Variants in CNTN3 observed in about 807,000 individuals in gnomAD.
CNTN3 encodes the protein contactin 3.
Under a neutral mutation model 119.1 loss-of-function variants are expected in CNTN3, and 60 were observed. The ratio of observed to expected loss-of-function variants is 0.50; its 90% CI spans 0.41 to 0.62. The LOEUF is 0.62. Ranked by LOEUF, CNTN3 falls within the 20% of genes least tolerant of loss-of-function variation. The pLI, the probability that CNTN3 is intolerant of heterozygous loss-of-function variation, is 0.00. For synonymous variants in CNTN3, 450 were observed against 438.7 expected (o/e 1.03, Z -0.32); for missense variants, 1,101 against 1,242.4 (o/e 0.89, Z 1.71).
At chr3:74,276,880 C>G (rs1341916105) in intron 20 of CNTN3, among the ~76,000 whole-genome samples, 1 of 151,976 alleles carries the variant, frequency 6.6e-6, no homozygotes. Context: ...ATTGATAGAT[C>G]ATTGGCAAGA....
chr3:74,552,377 T>C (rs1429993684), intron 1 of CNTN3, among the ~76,000 whole-genome samples: 1 of 152,198 alleles, frequency 6.6e-6, no homozygotes, highest in African/African-American at 2.4e-5. Flanking sequence ...GACTGCTAAA[T>C]TGTCTTCCAA....
Position 74,299,306 on chromosome 3 carries a change from G to C in CNTN3, c.2166+562C>G, listed in dbSNP as rs541721386. 1.7e-4 allele frequency among the ~76,000 whole-genome samples: 25 copies of C among 151,232 alleles called. No individual in the cohort carries two copies. In the South Asian group the frequency reaches 5.0e-3, roughly 30 times the overall value. On this transcript the variant is annotated intron_variant, in intron 17 of 22. Transcript: ENST00000263665. ...ATCATCAGCATCTTCAAAAAATGCA[G>C]GTAATTCTAGTACTTTTTGACTTCA...
intron 5 of CNTN3, among the ~76,000 whole-genome samples, chr3:74,417,448 T>C (rs1370886908): frequency 6.6e-6 from 1 of 152,220 alleles, no homozygotes; most frequent in Non-Finnish European, 1.5e-5. Context: ...TAAAACCTTA[T>C]TATTATAAGA....
intron 18 of CNTN3, 44 bp from the exon 19 acceptor site, chr3:74,295,280 T>A: frequency 8.8e-7 from 1 of 1,134,106 alleles, no homozygotes; most frequent in Non-Finnish European, 1.3e-6. Context: ...ATTTTGGCAG[T>A]TAGTTTAAAA....
intron 5 of CNTN3, among the ~76,000 whole-genome samples, chr3:74,393,699 A>G (rs1280282923): frequency 6.6e-6 from 1 of 152,220 alleles, no homozygotes; most frequent in East Asian, 1.9e-4. Context: ...GAAATGGGAA[A>G]AGTAGGACTG....
chr3:74,576,932 G>A (rs1165742756), intron 1 of CNTN3, among the ~76,000 whole-genome samples: 5 of 152,162 alleles, frequency 3.3e-5, no homozygotes, highest in Non-Finnish European at 4.4e-5. Context: ...AATCAACAGT[G>A]TCTGTCGAAT....
At chr3:74,442,559 T>C (rs1365773784) in intron 4 of CNTN3, among the ~76,000 whole-genome samples, 1 of 152,184 alleles carries the variant, frequency 6.6e-6, no homozygotes, top group African/African-American at 2.4e-5. Flanking sequence ...TAATTTTCTC[T>C]TACATGTATT....
intron 3 of CNTN3, among the ~76,000 whole-genome samples, chr3:74,489,988 G>T (rs532893705): frequency 6.6e-6 from 1 of 152,212 alleles, no homozygotes; most frequent in East Asian, 1.9e-4. Flanking sequence ...CTTCTCTTCT[G>T]TTCCATTCCC....
intron 21 of CNTN3, 116 bp downstream of exon 21, chr3:74,267,150 C>T: frequency 1.7e-6 from 1 of 587,512 alleles, no homozygotes; most frequent in South Asian, 2.6e-5. Context: ...GTATCTTTGT[C>T]AAAATTAGAT....
intron 14 of CNTN3, 35 bp from the exon 15 acceptor site, chr3:74,301,840 G>T (rs777501495): frequency 3.5e-5 from 57 of 1,606,254 alleles, no homozygotes; most frequent in South Asian, 2.4e-4. Flanking sequence ...TTGAGTAGCA[G>T]TTCCATAAAT....
chr3:74,429,652 T>A (rs888658721), intron 4 of CNTN3, among the ~76,000 whole-genome samples: 1 of 152,106 alleles, frequency 6.6e-6, no homozygotes, highest in Admixed American at 6.6e-5. Flanking sequence ...TGCATCAACA[T>A]TTAAAACTTC....
intron 1 of CNTN3, among the ~76,000 whole-genome samples, chr3:74,585,636 T>C (rs1238604694): frequency 1.2e-4 from 19 of 152,162 alleles, no homozygotes; most frequent in Admixed American, 1.2e-3. Context: ...ACACGATGAC[T>C]TGATCACTAA....
At chr3:74,551,142 G>C (rs1202993167) in intron 1 of CNTN3, among the ~76,000 whole-genome samples, 1 of 152,052 alleles carries the variant, frequency 6.6e-6, no homozygotes, top group Admixed American at 6.6e-5. Context: ...TTTCCTGTTC[G>C]AGCCTTAGCT....
At chr3:74,373,358 G>C (rs1704389913) in intron 5 of CNTN3, among the ~76,000 whole-genome samples, 1 of 152,172 alleles carries the variant, frequency 6.6e-6, no homozygotes, top group Non-Finnish European at 1.5e-5. Context: ...CAGTAAAGGA[G>C]GGAAAGCAAT....
intron 5 of CNTN3, among the ~76,000 whole-genome samples, chr3:74,394,008 T>G (rs1177409501): frequency 6.6e-6 from 1 of 152,200 alleles, no homozygotes; most frequent in Non-Finnish European, 1.5e-5. Flanking sequence ...GGAGATATTG[T>G]GCAGCAGAAT....
intron 1 of CNTN3, among the ~76,000 whole-genome samples, chr3:74,609,429 C>T (rs1178713982): frequency 2.6e-5 from 4 of 152,128 alleles, no homozygotes; most frequent in Non-Finnish European, 4.4e-5. Context: ...TATTTTTAAT[C>T]GGTGGACTGG....
intron 5 of CNTN3, among the ~76,000 whole-genome samples, chr3:74,414,325 G>T (rs999284931): frequency 1.3e-5 from 2 of 152,048 alleles, no homozygotes; most frequent in African/African-American, 4.8e-5. Context: ...AAGCCACAAA[G>T]TTCACTTCTG....
chr3:74,559,694 T>C (rs944117680), intron 1 of CNTN3, among the ~76,000 whole-genome samples: 1 of 152,126 alleles, frequency 6.6e-6, no homozygotes, highest in Non-Finnish European at 1.5e-5. Context: ...AAGATAGAAA[T>C]TCTGACTTCT....
chr3:74,583,525 T>G (rs990883739), intron 1 of CNTN3, among the ~76,000 whole-genome samples: 1 of 152,136 alleles, frequency 6.6e-6, no homozygotes, highest in Non-Finnish European at 1.5e-5. Flanking sequence ...AACTCTACTG[T>G]AGCAGGATTT....
Sources: gnomAD v4.1 joint callset for allele counts (sites outside exome capture counted in the v4.1 genomes callset) on GRCh38, gnomAD v4.1.1 for gene constraint, MANE v1.5 for transcripts, NCBI Gene and HGNC (gene_info 2026-07-23, HGNC 2026-07-21) for gene names.